The following TSPAN9 variants were observed in gnomAD, a reference collection of about 807,000 sequenced individuals.
TSPAN9 encodes the protein tetraspanin-9.
TSPAN9 carries 16 observed loss-of-function variants against 31.0 expected under a neutral mutation model. The ratio of observed to expected loss-of-function variants is 0.52; its 90% confidence interval spans 0.35 to 0.78. The LOEUF is 0.78. Ranked by LOEUF, TSPAN9 falls within the 30% of genes least tolerant of loss-of-function variation. The pLI is 0.01. For synonymous variants in TSPAN9, 145 were observed against 121.6 expected, an observed-to-expected ratio of 1.19 and a Z score of -1.27; for missense variants, 272 against 312.5, an observed-to-expected ratio of 0.87 and a Z score of 0.98.
chr12:3,248,456 A>G (rs1591704654), intron 3 of TSPAN9, among the ~76,000 whole-genome samples: 1 of 151,924 alleles, frequency 6.6e-6, no homozygotes, highest in Middle Eastern at 3.4e-3. Context: ...TGAACATTAC[A>G]CTCCTGATCT....
intron 2 of TSPAN9, among the ~76,000 whole-genome samples, chr12:3,135,144 A>G (rs1443748587): frequency 6.6e-6 from 1 of 152,130 alleles, no homozygotes; most frequent in Non-Finnish European, 1.5e-5. Flanking sequence ...GTGCAGTGTC[A>G]CGATCGGAGC....
intron 3 of TSPAN9, among the ~76,000 whole-genome samples, chr12:3,267,373 C>T (rs1307773910): frequency 6.6e-6 from 1 of 152,214 alleles, no homozygotes; most frequent in Non-Finnish European, 1.5e-5. Context: ...AGGTGCTCTT[C>T]TCTCTCTGGT....
chr12:3,149,296 G>T (rs565234729), intron 2 of TSPAN9, among the ~76,000 whole-genome samples: 4 of 152,286 alleles, frequency 2.6e-5, no homozygotes, highest in African/African-American at 9.6e-5. Context: ...AGTGTGAGCT[G>T]TAAGGATGGG....
At chr12:3,088,598 T>C (rs1457351519) in intron 2 of TSPAN9, among the ~76,000 whole-genome samples, 1 of 152,212 alleles carries the variant, frequency 6.6e-6, no homozygotes, top group African/African-American at 2.4e-5. Context: ...GAAGGTCTCC[T>C]GGACGGAGCA....
intron 2 of TSPAN9, among the ~76,000 whole-genome samples, chr12:3,090,977 G>T (rs1219878632): frequency 2.0e-5 from 3 of 152,220 alleles, no homozygotes; most frequent in African/African-American, 7.2e-5. Context: ...GCTAGCGCTG[G>T]CAGAGGCTTG....
At chr12:3,124,034 G>T (rs1240950620) in intron 2 of TSPAN9, among the ~76,000 whole-genome samples, 2 of 152,148 alleles carry the variant, frequency 1.3e-5, no homozygotes, top group African/African-American at 2.4e-5. Context: ...AATGTGGTTG[G>T]TGCTAGCAGT....
At chr12:3,157,123 G>A (rs2098342663) in intron 2 of TSPAN9, among the ~76,000 whole-genome samples, 2 of 146,042 alleles carry the variant, frequency 1.4e-5, no homozygotes, top group African/African-American at 2.6e-5. Flanking sequence ...TTTTTGAGAC[G>A]GAGTCTCGCT....
chr12:3,222,072 G>GT (rs2098384861), intron 3 of TSPAN9, among the ~76,000 whole-genome samples: 1 of 152,234 alleles, frequency 6.6e-6, no homozygotes, highest in Admixed American at 6.5e-5. Flanking sequence ...TAGGTGCTCT[G>GT]TTATGAATGT....
intron 3 of TSPAN9, among the ~76,000 whole-genome samples, chr12:3,251,999 C>T (rs1232919315): frequency 1.3e-5 from 2 of 152,164 alleles, no homozygotes; most frequent in Middle Eastern, 3.2e-3. Context: ...GCCACCACAT[C>T]GGCCAGCTCT....
At chr12:3,262,237 G>C (rs1342537282) in intron 3 of TSPAN9, among the ~76,000 whole-genome samples, 1 of 152,248 alleles carries the variant, frequency 6.6e-6, no homozygotes, top group Non-Finnish European at 1.5e-5. Flanking sequence ...TCCACTTGCA[G>C]TGTTATTTCT....
At chr12:3,125,623 AT>A (rs1381667226) in intron 2 of TSPAN9, among the ~76,000 whole-genome samples, 2 of 152,068 alleles carry the variant, frequency 1.3e-5, no homozygotes, top group Non-Finnish European at 2.9e-5. Flanking sequence ...ATGGAATTTA[AT>A]TGATTTTTTT....
chr12:3,140,038 A>C (rs1290020321), intron 2 of TSPAN9, among the ~76,000 whole-genome samples: 5 of 152,082 alleles, frequency 3.3e-5, no homozygotes, highest in Non-Finnish European at 5.9e-5. Context: ...GCTCATCCAC[A>C]CACCTGGGGA....
chr12:3,247,126 G>A (rs1033193385), intron 3 of TSPAN9, among the ~76,000 whole-genome samples: 1 of 152,158 alleles, frequency 6.6e-6, no homozygotes, highest in Non-Finnish European at 1.5e-5. Context: ...GCATCGTCGG[G>A]TTTATTAAGA....
At chr12:3,139,240 A>G (rs1752271626) in intron 2 of TSPAN9, among the ~76,000 whole-genome samples, 1 of 152,194 alleles carries the variant, frequency 6.6e-6, no homozygotes, top group African/African-American at 2.4e-5. Flanking sequence ...CATGGAGAGA[A>G]ATCCTTGGCA....
chr12:3,136,114 G>A (rs58152867), intron 2 of TSPAN9, among the ~76,000 whole-genome samples: 2 of 152,172 alleles, frequency 1.3e-5, no homozygotes, highest in Non-Finnish European at 2.9e-5. Context: ...GGACAACAGC[G>A]TAAGAGCAAG....
intron 3 of TSPAN9, among the ~76,000 whole-genome samples, chr12:3,265,126 G>C (rs1862517155): frequency 6.6e-6 from 1 of 152,226 alleles, no homozygotes; most frequent in South Asian, 2.1e-4. Context: ...TGTGTGCAAG[G>C]TACCTGCTGA....
intron 2 of TSPAN9, among the ~76,000 whole-genome samples, chr12:3,151,659 G>C (rs376867811): frequency 7.2e-4 from 109 of 152,290 alleles, no homozygotes; most frequent in African/African-American, 2.6e-3. Context: ...CCCATTTCCA[G>C]GGTCTTCTTC....
chr12:3,164,232 G>T (rs2098347109), intron 2 of TSPAN9, among the ~76,000 whole-genome samples: 1 of 152,176 alleles, frequency 6.6e-6, no homozygotes, highest in Admixed American at 6.5e-5. Flanking sequence ...AACAGTCCTG[G>T]GAGGTGGTTT....
At position 3,286,350 on chromosome 12, in the gene TSPAN9, AG is replaced by A. The variant is rs1220276401; in HGVS notation, c.*3236del. ...GCCCTGATTGGGGACTCAGGAGGTG[AG>A]GCCTGGGGGGCTTCCTGCCCCCTCC... On this transcript the variant is annotated 3_prime_UTR_variant, in exon 9 of 9. Transcript: ENST00000011898. This position sits in a 1 kb window ranked among gnomAD's most constrained non-coding sequence, Gnocchi z 4.1. 1 of 152,518 alleles carries A rather than the reference AG, an allele frequency of 6.6e-6. No individual in the cohort carries two copies. The highest frequency in any genetic ancestry group is 1.5e-5 in the Non-Finnish European group (1 of 68,022). The allele number at this position is 152,518 out of a possible 1,614,324, so 9.4% of individuals were successfully genotyped here.
Sources: gnomAD v4.1 joint callset for allele counts (sites outside exome capture counted in the v4.1 genomes callset) on GRCh38, gnomAD v4.1.1 for gene constraint, Gnocchi (gnomAD v3.1) non-coding constraint, MANE v1.5 for transcripts, NCBI Gene and HGNC (gene_info 2026-07-23, HGNC 2026-07-21) for gene names.